Variants in ADAMTS12 observed in about 807,000 individuals in gnomAD.
ADAMTS12 encodes the protein ADAM metallopeptidase with thrombospondin type 1 motif 12.
A neutral mutation model predicts 167.8 loss-of-function variants in ADAMTS12; 118 were observed. That is an observed-to-expected ratio of 0.70 (90% CI 0.61 to 0.82). ADAMTS12 has a LOEUF of 0.82. Among genes scored for constraint, ADAMTS12 ranks in the 40% least tolerant of loss-of-function variants. The pLI is 0.00. For synonymous variants in ADAMTS12, 704 were observed against 716.9 expected (o/e 0.98, Z 0.29); for missense variants, 1,916 against 1,998.8 (o/e 0.96, Z 0.79).
chr5:33,548,702 GCACACACA>G (rs55980424), intron 21 of ADAMTS12, among the ~76,000 whole-genome samples: 2 of 148,866 alleles, frequency 1.3e-5, no homozygotes, highest in African/African-American at 4.9e-5. Flanking sequence ...CATAAAGAGA[GCACACACA>G]CACACACACA....
At chr5:33,807,576 G>A (rs973464494) in intron 2 of ADAMTS12, among the ~76,000 whole-genome samples, 15 of 152,144 alleles carry the variant, frequency 9.9e-5, no homozygotes, top group African/African-American at 3.4e-4. Flanking sequence ...AAAATCTGGT[G>A]GTGTTGACTT....
chr5:33,649,879 A>G (rs1190917241), intron 7 of ADAMTS12, among the ~76,000 whole-genome samples, 182 bp from the exon 8 acceptor site: 1 of 103,528 alleles, frequency 9.7e-6, no homozygotes, highest in African/African-American at 2.9e-5. Context: ...GAAAAAGGAC[A>G]GGGAGCATTG....
rs189316628 is a variant in ADAMTS12 at position 33,842,610 on chromosome 5, G to A, written c.489+38509C>T. Among the ~76,000 whole-genome samples, 203 of 152,338 alleles carry A rather than the reference G, an allele frequency of 1.3e-3. 1 individual carries two copies. The highest frequency in any genetic ancestry group is 4.7e-3 in the African/African-American group (195 of 41,564). The stretch of plus-strand genomic sequence containing the variant: ...ACTTAATATCCAGAGTGCTGCATAA[G>A]GAACTATTGAGGAAACGCAAGGGGC... On this transcript the variant is annotated intron_variant, in intron 2 of 23. Coordinates refer to ENST00000504830, the MANE Select transcript of ADAMTS12 (RefSeq NM_030955.4).
At chr5:33,790,151 A>G (rs1219363784) in intron 2 of ADAMTS12, among the ~76,000 whole-genome samples, 2 of 152,330 alleles carry the variant, frequency 1.3e-5, no homozygotes, top group Middle Eastern at 3.4e-3. Context: ...GAGTCCACAC[A>G]TAGTATTTAG....
At position 33,733,998 on chromosome 5, in the gene ADAMTS12, T is replaced by TACACAC. The variant is rs147754057; in HGVS notation, c.634+17400_634+17405dup. On this transcript the variant is annotated intron_variant, in intron 3 of 23. Coordinates refer to ENST00000504830, the MANE Select transcript of ADAMTS12 (RefSeq NM_030955.4). ...GATGTCAAAGCCTACACTTCCCCAC[T>TACACAC]ACACACACACACACACACACACACA... Among the ~76,000 whole-genome samples, 382 of 139,468 alleles carry TACACAC rather than the reference T, an allele frequency of 2.7e-3. 4 individuals carry two copies. Among genetic ancestry groups the TACACAC allele is most frequent in the African/African-American group, 8.4e-3 (313 of 37,054 alleles). 91.5% of individuals were successfully genotyped at this position (139,468 alleles called of 152,430 possible).
intron 16 of ADAMTS12, among the ~76,000 whole-genome samples, chr5:33,598,622 G>C (rs1370688803): frequency 2.6e-5 from 4 of 152,194 alleles, no homozygotes; most frequent in African/African-American, 9.7e-5. Context: ...GGAAACCTTG[G>C]ATAATGAAAG....
At chr5:33,785,519 T>C (rs10062147) in intron 2 of ADAMTS12, among the ~76,000 whole-genome samples, 23,187 of 152,052 alleles carry the variant, frequency 0.15, 2,088 homozygotes, top group East Asian at 0.4. Context: ...CTACGAAATG[T>C]GCAAAAGATT....
At chr5:33,741,072 A>G (rs1236847445) in intron 3 of ADAMTS12, among the ~76,000 whole-genome samples, 1 of 152,064 alleles carries the variant, frequency 6.6e-6, no homozygotes, top group Non-Finnish European at 1.5e-5. Context: ...CCAGCCCTGA[A>G]AAAACCTCAC....
At chr5:33,793,515 T>C (rs556868716) in intron 2 of ADAMTS12, among the ~76,000 whole-genome samples, 2 of 152,366 alleles carry the variant, frequency 1.3e-5, no homozygotes, top group Non-Finnish European at 2.9e-5. Context: ...GCTATAAATA[T>C]CGACATAAAT....
chr5:33,830,549 G>A (rs994592059), intron 2 of ADAMTS12, among the ~76,000 whole-genome samples: 1 of 152,182 alleles, frequency 6.6e-6, no homozygotes, highest in Non-Finnish European at 1.5e-5. Flanking sequence ...AGCACTTTGG[G>A]AGTCCAAGGC....
intron 14 of ADAMTS12, among the ~76,000 whole-genome samples, chr5:33,620,953 G>A (rs767885284): frequency 3.9e-5 from 6 of 152,142 alleles, no homozygotes; most frequent in Non-Finnish European, 7.3e-5. Context: ...TATTTGCTTA[G>A]CAAATCAATT....
chr5:33,850,583 T>G (rs1259048430), intron 2 of ADAMTS12, among the ~76,000 whole-genome samples: 1 of 152,234 alleles, frequency 6.6e-6, no homozygotes, highest in Non-Finnish European at 1.5e-5. Context: ...ACAGGAACAG[T>G]CTGATACCAG....
intron 2 of ADAMTS12, among the ~76,000 whole-genome samples, chr5:33,873,537 A>G (rs1750119510): frequency 6.6e-6 from 1 of 152,306 alleles, no homozygotes; most frequent in East Asian, 1.9e-4. Context: ...AAATCTTAGC[A>G]ATTTACTTTG....
Position 33,645,135 on chromosome 5 carries a change from A to G in ADAMTS12, c.1480-1665T>C, listed in dbSNP as rs186203943. ...AGGCATCCATGGTATCTCCAGGACA[A>G]ATGCTTTATTTATTATTATTATTAT... On this transcript the variant is annotated intron_variant, in intron 9 of 23. Transcript: ENST00000504830. Among the ~76,000 whole-genome samples, 491 of 147,776 alleles carry G rather than the reference A, an allele frequency of 3.3e-3. 3 individuals carry two copies. Among genetic ancestry groups the G allele is most frequent in the African/African-American group, 0.012 (470 of 39,816 alleles).
chr5:33,781,938 G>A (rs1043888815), intron 2 of ADAMTS12, among the ~76,000 whole-genome samples: 3 of 151,606 alleles, frequency 2.0e-5, no homozygotes, highest in South Asian at 2.1e-4. Context: ...GAGAACATGC[G>A]GTGTTTGGTT....
At chr5:33,626,108 G>GA (rs1284586031) in intron 13 of ADAMTS12, among the ~76,000 whole-genome samples, 6 of 151,906 alleles carry the variant, frequency 3.9e-5, no homozygotes, top group East Asian at 1.9e-4. Flanking sequence ...GTGTGTTTGT[G>GA]AAAAAAAATC....
At chr5:33,658,092 C>T (rs1053597381) in intron 7 of ADAMTS12, 92 bp downstream of exon 7, 2 of 1,486,534 alleles carry the variant, frequency 1.3e-6, no homozygotes, top group Non-Finnish European at 1.8e-6. Flanking sequence ...AGTCTCCTGA[C>T]CCCCAATTTG....
At chr5:33,684,906 T>C (rs1324263051) in intron 3 of ADAMTS12, among the ~76,000 whole-genome samples, 1 of 152,178 alleles carries the variant, frequency 6.6e-6, no homozygotes, top group African/African-American at 2.4e-5. Flanking sequence ...AGAGGTCTGT[T>C]TAACACCAAA....
intron 2 of ADAMTS12, among the ~76,000 whole-genome samples, chr5:33,782,450 C>T (rs1266326288): frequency 1.3e-5 from 2 of 151,870 alleles, no homozygotes; most frequent in Admixed American, 6.6e-5. Context: ...TCAATAATGA[C>T]ATTAAATGTG....
Sources: allele counts gnomAD v4.1 joint callset (sites outside exome capture counted in the v4.1 genomes callset), GRCh38; gene constraint gnomAD v4.1.1; transcripts MANE v1.5; gene names NCBI Gene and HGNC (gene_info 2026-07-23, HGNC 2026-07-21).